The following APTX variants were observed in gnomAD, a reference collection of about 807,000 sequenced individuals.
The protein encoded by APTX is aprataxin.
Under a neutral mutation model 42.3 loss-of-function variants are expected in APTX, and 33 were observed. The ratio of observed to expected loss-of-function variants is 0.78; its 90% confidence interval spans 0.59 to 1.04. The LOEUF (loss-of-function observed/expected upper bound fraction) is 1.04, where lower values mean the gene tolerates loss of function less well. Among genes scored for constraint, APTX ranks in the 50% least tolerant of loss-of-function variants. APTX has a pLI of 0.00. For synonymous variants in APTX, 130 were observed against 146.7 expected (o/e 0.89, Z 0.82); for missense variants, 421 against 415.1 (o/e 1.01, Z -0.12).
rs901275609 is a variant in APTX, at chr9:33,001,550, G to A, written c.-5+17C>T. The A allele has an allele frequency of 4.3e-6, 7 of 1,613,722 alleles. No homozygotes were observed. The African/African-American group carries it at 5.3e-5, about 12-fold the overall frequency. ...TGAGCCCAGCCAGCAGAAGAGATAG[G>A]CTGACGACCGCCTTACCTCCAGAAG... On this transcript the variant is annotated intron_variant, in intron 1 of 7. Coordinates refer to ENST00000379817, the MANE Select transcript of APTX (RefSeq NM_001195248.2).
At chr9:33,004,630 C>CTTTTTTTT (rs3065216), upstream of APTX, among the ~76,000 whole-genome samples, 1 of 125,712 alleles carries the variant, frequency 8.0e-6, no homozygotes, top group African/African-American at 3.0e-5. Context: ...CTTGCCAACC[C>CTTTTTTTT]TTTTTTTTTT....
intron 1 of APTX, chr9:33,001,281 A>G: frequency 1.1e-6 from 1 of 921,242 alleles, no homozygotes; most frequent in Non-Finnish European, 1.6e-6. Flanking sequence ...TTGGTTGGAC[A>G]GGGCCCATTC....
intron 1 of APTX, among the ~76,000 whole-genome samples, chr9:33,019,465 C>T (rs933632752): frequency 6.6e-6 from 1 of 152,020 alleles, no homozygotes; most frequent in Non-Finnish European, 1.5e-5. Flanking sequence ...CACTTTGTGC[C>T]GATAAAAATT....
chr9:33,019,936 G>T, intron 1 of APTX: 1 of 493,512 alleles, frequency 2.0e-6, no homozygotes. Context: ...GGAAAGGCAC[G>T]CTGAGGGTGA....
upstream of APTX, among the ~76,000 whole-genome samples, chr9:33,002,843 A>C (rs1238379430): frequency 6.6e-5 from 10 of 152,242 alleles, no homozygotes; most frequent in Admixed American, 6.5e-4. Flanking sequence ...ATGGAAAAGC[A>C]GAGACTTAAT....
intron 1 of APTX, among the ~76,000 whole-genome samples, chr9:32,993,803 C>A (rs1188519240): frequency 6.6e-6 from 1 of 151,278 alleles, no homozygotes; most frequent in South Asian, 2.1e-4. Flanking sequence ...ACTGCAAACT[C>A]CACCTCATGG....
intron 4 of APTX, chr9:32,986,268 G>A: frequency 1.6e-6 from 1 of 612,524 alleles, no homozygotes; most frequent in East Asian, 3.2e-5. Context: ...AAGCTGGAGT[G>A]CAGCGGCGTG....
chr9:32,984,308 GA>G (rs1365370803), intron 6 of APTX, among the ~76,000 whole-genome samples: 1 of 152,194 alleles, frequency 6.6e-6, no homozygotes, highest in African/African-American at 2.4e-5. Flanking sequence ...CGCTTTTGAA[GA>G]ATCTGATAAA....
chr9:33,022,775 C>T (rs1325784846), intron 1 of APTX, among the ~76,000 whole-genome samples: 2 of 151,918 alleles, frequency 1.3e-5, no homozygotes, highest in Admixed American at 6.5e-5. Context: ...ACGAAGACCA[C>T]ATACAAAGTT....
At chr9:33,008,393 C>T (rs1203050276) in intron 1 of APTX, among the ~76,000 whole-genome samples, 1 of 151,736 alleles carries the variant, frequency 6.6e-6, no homozygotes, top group African/African-American at 2.4e-5. Flanking sequence ...AATAGCTATA[C>T]AATTTCTGAC....
chr9:32,987,218 ATTCTCCACTT>A (rs1171148642), intron 4 of APTX, among the ~76,000 whole-genome samples: 1 of 152,176 alleles, frequency 6.6e-6, no homozygotes, highest in African/African-American at 2.4e-5. Context: ...AGCCTGACCA[ATTCTCCACTT>A]TGACATCAGC....
upstream of APTX, among the ~76,000 whole-genome samples, chr9:33,006,266 T>A (rs12379597): frequency 0.07 from 10,692 of 152,050 alleles, 506 homozygotes; most frequent in Non-Finnish European, 0.11. Context: ...ATAAAAAAAA[T>A]TTTAATAAAA....
intron 6 of APTX, among the ~76,000 whole-genome samples, chr9:32,980,923 T>G (rs1331848081): frequency 6.6e-6 from 1 of 152,224 alleles, no homozygotes; most frequent in Admixed American, 6.5e-5. Flanking sequence ...CAGTAATATT[T>G]CACGTTCTCC....
At position 32,991,422 on chromosome 9, in the gene APTX, G is replaced by A. The variant is rs192556395; in HGVS notation, c.-4-1527C>T. Among the ~76,000 whole-genome samples, 503 of 152,294 alleles carry A rather than the reference G, an allele frequency of 3.3e-3. 3 individuals are homozygous for A. Among genetic ancestry groups the A allele is most frequent in the Non-Finnish European group, 5.4e-3 (365 of 68,032 alleles). ...CCGAAGCAAAGGGGATGGAGAGCAA[G>A]AAGAGCCAGGAGAAATCTGGAAGAC... On this transcript the variant is annotated intron_variant, in intron 1 of 7. Transcript: ENST00000379817.
chr9:33,020,483 A>G (rs1439888186), intron 1 of APTX, among the ~76,000 whole-genome samples: 3 of 152,244 alleles, frequency 2.0e-5, no homozygotes, highest in African/African-American at 7.2e-5. Context: ...CCTGCTAAGA[A>G]TCCAACCTTC....
intron 1 of APTX, among the ~76,000 whole-genome samples, chr9:33,009,251 T>C (rs1049853574): frequency 6.6e-6 from 1 of 151,998 alleles, no homozygotes; most frequent in Non-Finnish European, 1.5e-5. Context: ...TGGTCTATCC[T>C]GAAATTTCTT....
At chr9:32,999,192 T>C (rs1325674261) in intron 1 of APTX, among the ~76,000 whole-genome samples, 4 of 152,236 alleles carry the variant, frequency 2.6e-5, no homozygotes, top group African/African-American at 7.2e-5. Context: ...GATCCAGTAA[T>C]AATCAAAAAA....
chr9:33,018,913 G>C (rs1306390853), intron 1 of APTX, among the ~76,000 whole-genome samples: 1 of 152,030 alleles, frequency 6.6e-6, no homozygotes, highest in Admixed American at 6.6e-5. Context: ...AAACTGTCAA[G>C]GTCCTTAAAA....
In APTX at chr9:32,987,614, A is replaced by G; in HGVS notation, c.413T>C (p.Leu138Pro). 6.2e-7 allele frequency: 1 copy of G among 1,614,204 alleles called. No individual in the cohort carries two copies. The highest frequency in any genetic ancestry group is 8.5e-7 in the Non-Finnish European group (1 of 1,180,028). Residue 138 changes from leucine (L) to proline (P), a missense_variant, in exon 4 of 8, where the codon CTG (leucine) becomes CCG (proline). Coordinates refer to ENST00000379817, the MANE Select transcript of APTX (RefSeq NM_001195248.2). ...AAQEAEAGTG[L>P]EPGSNSGQCS... ...TTGGCCAGAGTTGCTCCCAGGTTCCAGCCCTGTCCCAGCCTCAGCTTCCTG... is the reference window on the plus strand; with the variant it reads ...TTGGCCAGAGTTGCTCCCAGGTTCCGGCCCTGTCCCAGCCTCAGCTTCCTG...
Sources: allele counts gnomAD v4.1 joint callset (sites outside exome capture counted in the v4.1 genomes callset), GRCh38; gene constraint gnomAD v4.1.1; transcripts MANE v1.5; gene names NCBI Gene and HGNC (gene_info 2026-07-23, HGNC 2026-07-21).